Variants in MARK2 observed in about 807,000 individuals in gnomAD.
The protein encoded by MARK2 is serine/threonine-protein kinase MARK2.
In MARK2, 16 loss-of-function variants were observed where a neutral mutation model predicts 89.8. The ratio of observed to expected loss-of-function variants is 0.18; its 90% confidence interval spans 0.12 to 0.27. MARK2 has a LOEUF of 0.27. Ranked by LOEUF, MARK2 falls within the 10% of genes least tolerant of loss-of-function variation. MARK2 has a pLI of 1.00. For missense variants in MARK2, 621 were observed against 1,049.9 expected (o/e 0.59, Z 5.65); for synonymous variants, 382 against 399.5 (o/e 0.96, Z 0.52).
intron 1 of MARK2, among the ~76,000 whole-genome samples, chr11:63,857,648 T>TA (rs2016932091): frequency 2.0e-5 from 3 of 152,266 alleles, no homozygotes; most frequent in Admixed American, 2.0e-4. Context: ...AATGAATTGA[T>TA]ACATATTTAA....
chr11:63,870,580 G>A (rs1938389484), intron 1 of MARK2, among the ~76,000 whole-genome samples: 1 of 152,156 alleles, frequency 6.6e-6, no homozygotes, highest in Non-Finnish European at 1.5e-5. Flanking sequence ...GGGCACTGAA[G>A]ACACGAAGTG....
intron 1 of MARK2, among the ~76,000 whole-genome samples, chr11:63,872,452 A>G (rs1291809257): frequency 6.6e-6 from 1 of 152,188 alleles, no homozygotes; most frequent in Non-Finnish European, 1.5e-5. Flanking sequence ...TGATTATCCT[A>G]CTGGGAAAGG....
chr11:63,843,378 C>T (rs1280176134), intron 1 of MARK2, among the ~76,000 whole-genome samples: 1 of 152,100 alleles, frequency 6.6e-6, no homozygotes, highest in Non-Finnish European at 1.5e-5. Flanking sequence ...CTCTGGGCCT[C>T]AGAAACTATG....
At chr11:63,852,113 C>G (rs1471771272) in intron 1 of MARK2, among the ~76,000 whole-genome samples, 2 of 152,170 alleles carry the variant, frequency 1.3e-5, no homozygotes, top group African/African-American at 4.8e-5. Context: ...GTGGCATTTT[C>G]CAGAGGCTAA....
intron 1 of MARK2, among the ~76,000 whole-genome samples, chr11:63,842,962 T>A (rs1461195448): frequency 6.6e-6 from 1 of 152,050 alleles, no homozygotes; most frequent in African/African-American, 2.4e-5. Flanking sequence ...ACAGGGAGAT[T>A]GCCTGTGTGC....
chr11:63,900,432 G>C lies in MARK2; in HGVS notation c.769-127G>C. 1 of 1,155,770 alleles carries C rather than the reference G, an allele frequency of 8.7e-7. No individual in the cohort carries two copies. Among genetic ancestry groups the C allele is most frequent in the South Asian group, 1.4e-5 (1 of 69,386 alleles). The allele number at this position is 1,155,770 out of a possible 1,614,324, so 71.6% of individuals were successfully genotyped here. A position where few individuals can be genotyped will look rare whatever the true frequency, so the allele number is the denominator to read the frequency against. ...TGGTGAGGTGTCTTGTCCCCAGGCT[G>C]TCTGCCTTCTTCCATATTTCATTTA... On this transcript the variant is annotated intron_variant, in intron 8 of 18. Transcript: ENST00000402010. The surrounding 1 kb of genome is among the most constrained non-coding windows in gnomAD (Gnocchi z 4.7).
chr11:63,908,607 G>A (rs1449362238), intron 18 of MARK2, among the ~76,000 whole-genome samples: 1 of 152,216 alleles, frequency 6.6e-6, no homozygotes, highest in Non-Finnish European at 1.5e-5. Flanking sequence ...TTTCTGGAGA[G>A]AGAGTCTGTG....
At chr11:63,892,726 A>AT (rs11412283) in intron 1 of MARK2, among the ~76,000 whole-genome samples, 44,550 of 122,050 alleles carry the variant, frequency 0.37, 9,164 homozygotes, top group African/African-American at 0.41. Context: ...CAGACTCTGC[A>AT]TTTTTTTTTT....
intron 1 of MARK2, among the ~76,000 whole-genome samples, chr11:63,843,908 G>T (rs2016147446): frequency 6.6e-6 from 1 of 152,102 alleles, no homozygotes; most frequent in South Asian, 2.1e-4. Flanking sequence ...TGTAACTTAG[G>T]TAGATTGGAT....
chr11:63,907,870 A>G (rs891252056), intron 17 of MARK2, among the ~76,000 whole-genome samples: 2 of 152,158 alleles, frequency 1.3e-5, no homozygotes, highest in Admixed American at 1.3e-4. Flanking sequence ...ACGCACTCAC[A>G]CCTGCAACCC....
At chr11:63,901,205 T>G in intron 11 of MARK2, 136 bp downstream of exon 11, 1 of 659,804 alleles carries the variant, frequency 1.5e-6, no homozygotes, top group Admixed American at 2.2e-5. Context: ...AGCCTCAGCT[T>G]TGGTGTCTAA....
At chr11:63,905,138 C>T (rs1184575253) in intron 16 of MARK2, 95 bp downstream of exon 16, 50 of 1,386,962 alleles carry the variant, frequency 3.6e-5, no homozygotes, top group Non-Finnish European at 9.9e-7. Context: ...GTTTGGGACA[C>T]TCTGTACCGG....
At chr11:63,876,381 A>T (rs1938756886) in intron 1 of MARK2, among the ~76,000 whole-genome samples, 1 of 152,250 alleles carries the variant, frequency 6.6e-6, no homozygotes, top group Admixed American at 6.5e-5. Flanking sequence ...ATATGTAATT[A>T]TAGAAATAAC....
At chr11:63,856,768 G>GTTTTTTTTTTT (rs71039681) in intron 1 of MARK2, among the ~76,000 whole-genome samples, 1 of 53,796 alleles carries the variant, frequency 1.9e-5, no homozygotes, top group Non-Finnish European at 3.2e-5. Flanking sequence ...AATTTTTCAT[G>GTTTTTTTTTTT]TTTTTTTTTT....
chr11:63,906,612 G>T (rs1188119774), intron 17 of MARK2, among the ~76,000 whole-genome samples: 2 of 151,988 alleles, frequency 1.3e-5, no homozygotes, highest in Non-Finnish European at 2.9e-5. Context: ...ATGGTATCTT[G>T]TTTGTTGTCT....
intron 1 of MARK2, chr11:63,890,151 G>T: frequency 9.7e-7 from 1 of 1,031,150 alleles, no homozygotes; most frequent in Non-Finnish European, 1.3e-6. Flanking sequence ...TTGGGGCCTT[G>T]GCCCAAGAAG....
chr11:63,859,812 A>G (rs1371247817), intron 1 of MARK2, among the ~76,000 whole-genome samples: 1 of 151,864 alleles, frequency 6.6e-6, no homozygotes, highest in Non-Finnish European at 1.5e-5. Flanking sequence ...TTGTATTTTT[A>G]GTAGAGACAG....
Position 63,904,035 on chromosome 11 carries a change from G to T in MARK2, c.1564G>T (p.Val522Phe). ...RASTASASAAVSAARPRQHQK... is the reference protein window; with the variant it reads ...RASTASASAAFSAARPRQHQK... Reference sequence around the variant, plus strand: ...CTCCACGGCTTCTGCTTCTGCCGCAGTCTCTGCGGCCCGGCCCCGCCAGCA... The same window carrying T: ...CTCCACGGCTTCTGCTTCTGCCGCATTCTCTGCGGCCCGGCCCCGCCAGCA... The change falls in exon 15 of 19, where the codon GTC (valine) becomes TTC (phenylalanine). Residue 522 changes from valine to phenylalanine, a missense_variant. Around this residue, in one of 5 missense-constraint regions of MARK2, gnomAD observed 397 missense variants for 567.8 expected, o/e 0.70. Transcript: ENST00000402010. This position sits in a 1 kb window ranked among gnomAD's most constrained non-coding sequence, Gnocchi z 6.3. The T allele has an allele frequency of 1.9e-6, 3 of 1,606,766 alleles. No individual in the cohort carries two copies. The highest frequency in any genetic ancestry group is 2.5e-6 in the Non-Finnish European group (3 of 1,179,120).
At chr11:63,898,553 G>A (rs1940610286) in intron 4 of MARK2, 55 bp from the exon 5 acceptor site, 2 of 1,317,642 alleles carry the variant, frequency 1.5e-6, no homozygotes. Flanking sequence ...ATGTTGGAGA[G>A]CAGTATGTGG....
Sources: allele counts gnomAD v4.1 joint callset (sites outside exome capture counted in the v4.1 genomes callset), GRCh38; gene constraint gnomAD v4.1.1; regional missense constraint gnomAD v4.1.1; non-coding constraint Gnocchi (gnomAD v3.1); transcripts MANE v1.5; gene names NCBI Gene and HGNC (gene_info 2026-07-23, HGNC 2026-07-21).